The following XPR1 variants were observed in gnomAD, a reference collection of about 807,000 sequenced individuals.
XPR1 encodes xenotropic and polytropic retrovirus receptor 1, also known as solute carrier family 53 member 1.
A neutral mutation model predicts 87.5 loss-of-function variants in XPR1; 28 were observed. That is an observed-to-expected ratio of 0.32 (90% CI 0.24 to 0.44). The LOEUF (loss-of-function observed/expected upper bound fraction) is 0.44. Among genes scored for constraint, XPR1 ranks in the 20% least tolerant of loss-of-function variants. The probability of loss-of-function intolerance (pLI) is 1.00; values close to 1 mark genes in which losing one functional copy is unlikely to be tolerated. For synonymous variants in XPR1, 300 were observed against 306.1 expected, an observed-to-expected ratio of 0.98 and a Z score of 0.21; for missense variants, 559 against 862.3, an observed-to-expected ratio of 0.65 and a Z score of 4.41.
At chr1:180,650,911 A>G (rs1464670695) in intron 1 of XPR1, among the ~76,000 whole-genome samples, 1 of 152,210 alleles carries the variant, frequency 6.6e-6, no homozygotes, top group Non-Finnish European at 1.5e-5. Context: ...GGCCTGTAGA[A>G]TATGTTTTCT....
rs190331838 is a variant in XPR1 at position 180,680,986 on chromosome 1, C to G, written c.70-1374C>G. On this transcript the variant is annotated intron_variant, in intron 1 of 14. Coordinates refer to ENST00000367590, the MANE Select transcript of XPR1 (RefSeq NM_004736.4). ...AAGTTAAACACCACATGTTCTCACT[C>G]ATATGTGGAACCTAAGAATAGTTGA... 9.2e-5 allele frequency among the ~76,000 whole-genome samples: 14 copies of G among 152,306 alleles called. No homozygotes were observed. The South Asian group carries it at 1.7e-3, about 18-fold the overall frequency.
chr1:180,694,630 A>AT (rs60523233), intron 2 of XPR1, among the ~76,000 whole-genome samples: 96 of 149,834 alleles, frequency 6.4e-4, no homozygotes, highest in African/African-American at 1.8e-3. Flanking sequence ...CCCTTCCCCA[A>AT]TTTTTTTTTT....
intron 2 of XPR1, among the ~76,000 whole-genome samples, chr1:180,740,730 G>C (rs1452837892): frequency 1.3e-5 from 2 of 152,158 alleles, no homozygotes; most frequent in Non-Finnish European, 2.9e-5. Context: ...ATGACAGAAT[G>C]CCACATAGAC....
chr1:180,756,679 T>C (rs1270491709), intron 2 of XPR1, among the ~76,000 whole-genome samples: 1 of 152,180 alleles, frequency 6.6e-6, no homozygotes, highest in Non-Finnish European at 1.5e-5. Context: ...TTTAATGTCA[T>C]ATGTAAGAGA....
intron 1 of XPR1, among the ~76,000 whole-genome samples, chr1:180,678,007 T>A (rs1282091839): frequency 2.0e-5 from 3 of 152,244 alleles, no homozygotes; most frequent in Non-Finnish European, 1.5e-5. Context: ...CCAGGTTTGA[T>A]AATTTGCTAG....
chr1:180,666,810 C>T (rs1157215986), intron 1 of XPR1, among the ~76,000 whole-genome samples: 1 of 152,108 alleles, frequency 6.6e-6, no homozygotes, highest in Non-Finnish European at 1.5e-5. Flanking sequence ...GGATGTCTCT[C>T]ATTTCTTTTT....
intron 1 of XPR1, among the ~76,000 whole-genome samples, chr1:180,639,315 T>C (rs1218692252): frequency 6.6e-6 from 1 of 152,014 alleles, no homozygotes; most frequent in African/African-American, 2.4e-5. Context: ...TTAAAAATTG[T>C]TTATTTGCTA....
At chr1:180,781,437 T>A (rs10914106) in intron 2 of XPR1, among the ~76,000 whole-genome samples, 6,550 of 151,988 alleles carry the variant, frequency 0.043, 518 homozygotes, top group African/African-American at 0.15. Context: ...ATAAATGGTT[T>A]TTGAGAAGAT....
chr1:180,689,639 AG>A (rs1412845044), intron 2 of XPR1, among the ~76,000 whole-genome samples: 1 of 152,224 alleles, frequency 6.6e-6, no homozygotes, highest in East Asian at 1.9e-4. Context: ...AGATACCATG[AG>A]GATTCTGGAA....
chr1:180,840,564 GTGTATA>G (rs1346081387), intron 11 of XPR1, among the ~76,000 whole-genome samples: 59 of 134,214 alleles, frequency 4.4e-4, no homozygotes, highest in African/African-American at 1.3e-3. Context: ...GTGTGTGTGT[GTGTATA>G]TATATATATA....
In XPR1 at chr1:180,890,166, G is replaced by A. The variant is rs115416654; in HGVS notation, c.*6100G>A. ...GTTGTATAAAGCAAAAAGTTAATGT[G>A]GTTATGTGTTTTTAAAGAAAATAAG... On this transcript the variant is annotated 3_prime_UTR_variant, in exon 15 of 15. Transcript: ENST00000367590. The A allele has an allele frequency of 2.5e-4, 38 of 152,178 alleles. No individual in the cohort carries two copies. The highest frequency in any genetic ancestry group is 9.2e-4 in the African/African-American group (38 of 41,508). The allele number at this position is 152,178 out of a possible 1,614,324, so 9.4% of individuals were successfully genotyped here.
At position 180,632,108 on chromosome 1, in the gene XPR1, G is replaced by C; in HGVS notation, c.-94G>C. The C allele has an allele frequency of 2.0e-6, 3 of 1,465,142 alleles. No homozygotes were observed. The highest frequency in any genetic ancestry group is 2.8e-6 in the Non-Finnish European group (3 of 1,069,526). The allele number at this position is 1,465,142 out of a possible 1,614,324, so 90.8% of individuals were successfully genotyped here. A position where few individuals can be genotyped will look rare whatever the true frequency, so the allele number is the denominator to read the frequency against. On this transcript the variant is annotated 5_prime_UTR_variant, in exon 1 of 15. Transcript: ENST00000367590. ...GAGGAGAGAAGCGCAGCGCCGCGCC[G>C]CGCCGGGGCCCATGTGGGGAGGAGT...
intron 2 of XPR1, among the ~76,000 whole-genome samples, chr1:180,727,369 T>C (rs1658390259): frequency 6.6e-6 from 1 of 151,952 alleles, no homozygotes. Flanking sequence ...ATTAATATAA[T>C]AAAGGAATGT....
At chr1:180,683,528 G>C (rs1315526321) in intron 2 of XPR1, among the ~76,000 whole-genome samples, 1 of 152,140 alleles carries the variant, frequency 6.6e-6, no homozygotes, top group Non-Finnish European at 1.5e-5. Context: ...GTAGATCCCT[G>C]AGGAATCACC....
intron 2 of XPR1, among the ~76,000 whole-genome samples, chr1:180,741,635 C>T (rs537684437): frequency 1.3e-4 from 20 of 151,812 alleles, no homozygotes; most frequent in Middle Eastern, 3.4e-3. Flanking sequence ...TACAGGTATG[C>T]GCCACCATGC....
chr1:180,874,197 G>A (rs921382972), intron 13 of XPR1: 1 of 345,990 alleles, frequency 2.9e-6, no homozygotes, highest in African/African-American at 2.1e-5. Context: ...GCCCGGCCCA[G>A]AGGTTAATTC....
chr1:180,771,093 G>A (rs746142946), intron 2 of XPR1, among the ~76,000 whole-genome samples: 3 of 152,102 alleles, frequency 2.0e-5, no homozygotes, highest in Non-Finnish European at 2.9e-5. Context: ...GAATGTGTTT[G>A]CCTCCTTCAT....
chr1:180,775,995 T>TA (rs1296924920), intron 2 of XPR1, among the ~76,000 whole-genome samples: 3 of 152,180 alleles, frequency 2.0e-5, no homozygotes, highest in African/African-American at 4.8e-5. Context: ...GCTTGTCTCT[T>TA]ACGCAATCTA....
intron 7 of XPR1, among the ~76,000 whole-genome samples, chr1:180,823,605 A>G (rs1256902471): frequency 1.3e-5 from 2 of 152,240 alleles, no homozygotes; most frequent in East Asian, 3.8e-4. Flanking sequence ...TGGTGATTAG[A>G]TTATGAAGAA....
Sources: gnomAD v4.1 joint callset for allele counts (sites outside exome capture counted in the v4.1 genomes callset) on GRCh38, gnomAD v4.1.1 for gene constraint, MANE v1.5 for transcripts, NCBI Gene and HGNC (gene_info 2026-07-23, HGNC 2026-07-21) for gene names.